The following CHN1 variants were observed in gnomAD, a reference collection of about 807,000 sequenced individuals.
CHN1 encodes the protein chimerin 1, also known as N-chimaerin.
Under a neutral mutation model 59.5 loss-of-function variants are expected in CHN1, and 37 were observed. The ratio of observed to expected loss-of-function variants is 0.62; its 90% CI spans 0.48 to 0.82. CHN1 has a LOEUF of 0.82. Among genes scored for constraint, CHN1 ranks in the 40% least tolerant of loss-of-function variants. The probability of loss-of-function intolerance (pLI) is 0.00; values close to 1 mark genes in which losing one functional copy is unlikely to be tolerated. For synonymous variants in CHN1, 206 were observed against 200.4 expected (o/e 1.03, Z -0.24); for missense variants, 469 against 571.0 (o/e 0.82, Z 1.82).
intron 3 of CHN1, among the ~76,000 whole-genome samples, chr2:174,931,856 C>A (rs1362570045): frequency 6.6e-6 from 1 of 152,060 alleles, no homozygotes; most frequent in Non-Finnish European, 1.5e-5. Context: ...AGCGGGAGGG[C>A]TGAGAAAGGA....
At chr2:174,878,665 A>G (rs987153968) in intron 5 of CHN1, among the ~76,000 whole-genome samples, 2 of 152,262 alleles carry the variant, frequency 1.3e-5, no homozygotes, top group Admixed American at 1.3e-4. Context: ...GCAGGGCAGG[A>G]TGGCACAGAA....
chr2:174,862,622 C>T (rs776589000), intron 6 of CHN1, among the ~76,000 whole-genome samples: 3 of 152,148 alleles, frequency 2.0e-5, no homozygotes, highest in Admixed American at 6.5e-5. Flanking sequence ...TGAGCCACTG[C>T]GCCTGGCCAT....
chr2:174,981,952 C>A (rs371271058), intron 1 of CHN1, among the ~76,000 whole-genome samples: 5 of 152,160 alleles, frequency 3.3e-5, no homozygotes, highest in Non-Finnish European at 2.9e-5. Context: ...CCTGCTCCCC[C>A]CACCCCACGA....
chr2:174,849,903 T>C (rs1686672349), intron 6 of CHN1, among the ~76,000 whole-genome samples: 1 of 152,210 alleles, frequency 6.6e-6, no homozygotes. Context: ...GAGGAAACCA[T>C]GGAGTCTTCT....
At chr2:174,994,540 G>T (rs1691644193) in intron 1 of CHN1, among the ~76,000 whole-genome samples, 1 of 152,148 alleles carries the variant, frequency 6.6e-6, no homozygotes, top group Admixed American at 6.5e-5. Flanking sequence ...CATCCAATGG[G>T]GGGACACGAG....
chr2:174,868,152 A>C (rs1687288493), intron 6 of CHN1, among the ~76,000 whole-genome samples: 1 of 152,128 alleles, frequency 6.6e-6, no homozygotes, highest in Non-Finnish European at 1.5e-5. Flanking sequence ...AAATATCTTA[A>C]ATTTATTAAT....
chr2:174,864,999 T>G (rs150009190), intron 6 of CHN1, among the ~76,000 whole-genome samples: 3 of 152,184 alleles, frequency 2.0e-5, no homozygotes, highest in Non-Finnish European at 4.4e-5. Context: ...ACAAGATTAT[T>G]TGAATTTGTA....
At chr2:174,919,848 C>T (rs1289102311) in intron 3 of CHN1, among the ~76,000 whole-genome samples, 1 of 151,922 alleles carries the variant, frequency 6.6e-6, no homozygotes, top group East Asian at 1.9e-4. Flanking sequence ...ACTATAGTCA[C>T]TAAGTTGTAC....
Position 174,879,365 on chromosome 2 carries a change from A to G in CHN1, c.261-1237T>C, listed in dbSNP as rs73030300. ...TCTGTAGTTCAAATTAGACTTTAAT[A>G]ACAATTTAATCTAGAATCCAACGTA... On this transcript the variant is annotated intron_variant, in intron 5 of 12. Transcript: ENST00000409900. Among the ~76,000 whole-genome samples, 464 of 152,350 alleles carry G rather than the reference A, an allele frequency of 3.0e-3. 1 individual carries two copies. Among genetic ancestry groups the G allele is most frequent in the African/African-American group, 8.8e-3 (365 of 41,580 alleles).
intron 3 of CHN1, among the ~76,000 whole-genome samples, chr2:174,937,172 T>C (rs945453332): frequency 6.6e-6 from 1 of 152,198 alleles, no homozygotes; most frequent in Non-Finnish European, 1.5e-5. Context: ...GTGATACACA[T>C]TTGGTTTCAA....
intron 1 of CHN1, among the ~76,000 whole-genome samples, chr2:174,998,259 C>T (rs535128473): frequency 7.3e-5 from 10 of 137,872 alleles, no homozygotes; most frequent in Non-Finnish European, 1.4e-4. Context: ...TCTGAGATTG[C>T]GCCACTGCAC....
intron 1 of CHN1, among the ~76,000 whole-genome samples, chr2:174,963,343 G>A (rs1230915975): frequency 6.6e-6 from 1 of 152,194 alleles, no homozygotes; most frequent in Non-Finnish European, 1.5e-5. Flanking sequence ...ACTGATGAAC[G>A]AATGGAAGGA....
chr2:174,999,896 T>G (rs1161095434), intron 1 of CHN1, among the ~76,000 whole-genome samples: 2 of 152,212 alleles, frequency 1.3e-5, no homozygotes, highest in Admixed American at 1.3e-4. Context: ...ATTATACATA[T>G]CACTGTCTTC....
chr2:174,920,093 T>G (rs1293254818), intron 3 of CHN1, among the ~76,000 whole-genome samples: 4 of 152,208 alleles, frequency 2.6e-5, no homozygotes, highest in Admixed American at 2.0e-4. Context: ...TCCTCTAAGT[T>G]CATCCGTGTT....
At chr2:174,915,662 T>C (rs1688827351) in intron 4 of CHN1, among the ~76,000 whole-genome samples, 1 of 152,204 alleles carries the variant, frequency 6.6e-6, no homozygotes, top group Non-Finnish European at 1.5e-5. Flanking sequence ...ATGTGCATAA[T>C]CTGCATTACT....
rs1023136528 is a variant in CHN1, at chr2:174,799,864, G to A, written c.*252C>T. 39 of 597,554 alleles carry A rather than the reference G, an allele frequency of 6.5e-5. No individual in the cohort carries two copies. Among genetic ancestry groups the A allele is most frequent in the Non-Finnish European group, 8.5e-5 (27 of 319,354 alleles). The allele number at this position is 597,554 out of a possible 1,614,324, so 37.0% of individuals were successfully genotyped here. A position where few individuals can be genotyped will look rare whatever the true frequency, so the allele number is the denominator to read the frequency against. On this transcript the variant is annotated 3_prime_UTR_variant, in exon 13 of 13. Transcript: ENST00000409900. ...ATGGGGTTTCCTTGCCAGATAGGGG[G>A]CTAATCATGCAATAGCTTGAGTTTC...
At chr2:174,801,610 T>A in intron 12 of CHN1, 97 bp downstream of exon 12, 1 of 824,052 alleles carries the variant, frequency 1.2e-6, no homozygotes, top group Non-Finnish European at 2.0e-6. Flanking sequence ...TATTTATTCA[T>A]TCAATAGATT....
chr2:174,866,364 A>G (rs1317696006), intron 6 of CHN1, among the ~76,000 whole-genome samples: 1 of 152,218 alleles, frequency 6.6e-6, no homozygotes, highest in Non-Finnish European at 1.5e-5. Context: ...AAAGTTTAAA[A>G]TATTTTTGTA....
At chr2:174,870,592 A>G (rs1486322958) in intron 6 of CHN1, among the ~76,000 whole-genome samples, 5 of 152,242 alleles carry the variant, frequency 3.3e-5, no homozygotes, top group Non-Finnish European at 7.3e-5. Flanking sequence ...AGATTCTTTT[A>G]GAACTGCCCG....
Sources: allele counts gnomAD v4.1 joint callset (sites outside exome capture counted in the v4.1 genomes callset), GRCh38; gene constraint gnomAD v4.1.1; transcripts MANE v1.5; gene names NCBI Gene and HGNC (gene_info 2026-07-23, HGNC 2026-07-21).